The following TRAF3 variants were observed in gnomAD, a reference collection of about 807,000 sequenced individuals.
TRAF3 encodes the protein TNF receptor associated factor 3, also known as TNF receptor-associated factor 3.
In TRAF3, 13 loss-of-function variants were observed where a neutral mutation model predicts 62.3. That is an observed-to-expected ratio of 0.21 (90% CI 0.14 to 0.33). The LOEUF (loss-of-function observed/expected upper bound fraction) is 0.33, where lower values mean the gene tolerates loss of function less well. Ranked by LOEUF, TRAF3 falls within the 10% of genes least tolerant of loss-of-function variation. The pLI, the probability that TRAF3 is intolerant of heterozygous loss-of-function variation, is 1.00. For missense variants in TRAF3, 440 were observed against 741.8 expected (o/e 0.59, Z 4.73); for synonymous variants, 269 against 283.4 (o/e 0.95, Z 0.51).
At chr14:102,785,925 G>A (rs4900557) in intron 1 of TRAF3, among the ~76,000 whole-genome samples, 36,288 of 152,106 alleles carry the variant, frequency 0.24, 5,292 homozygotes, top group Middle Eastern at 0.45. Flanking sequence ...TTGTTGGGTG[G>A]AGGTGGTGGC....
At chr14:102,881,163 C>T (rs879808241) in intron 6 of TRAF3, among the ~76,000 whole-genome samples, 49 of 152,100 alleles carry the variant, frequency 3.2e-4, no homozygotes, top group African/African-American at 1.1e-3. Context: ...GCGGGTGGAT[C>T]ACCTGAGGTC....
chr14:102,849,922 C>T (rs1886938208), intron 2 of TRAF3, among the ~76,000 whole-genome samples: 1 of 152,198 alleles, frequency 6.6e-6, no homozygotes, highest in African/African-American at 2.4e-5. Flanking sequence ...TGTTGAGCTG[C>T]TTTTCTCCAT....
At chr14:102,855,271 G>C (rs1887295626) in intron 2 of TRAF3, among the ~76,000 whole-genome samples, 1 of 152,164 alleles carries the variant, frequency 6.6e-6, no homozygotes, top group Admixed American at 6.5e-5. Context: ...TGGTTGTTGT[G>C]AAGAGTACTG....
intron 6 of TRAF3, among the ~76,000 whole-genome samples, chr14:102,877,552 A>C (rs1274174947): frequency 0.12 from 5,771 of 49,240 alleles, no homozygotes; most frequent in Middle Eastern, 0.2. Flanking sequence ...ATTCCACAGG[A>C]CTTCTGCTCA....
In TRAF3 at chr14:102,905,877, G is replaced by A; in HGVS notation, c.*93G>A. On this transcript the variant is annotated 3_prime_UTR_variant, in exon 12 of 12. Coordinates refer to ENST00000392745, the MANE Select transcript of TRAF3 (RefSeq NM_145725.3). ...ACTGAGGTCCTCGCGCTCAGAAAAG[G>A]ACCTTGTGAGACGGAGGAAGCGGCA... 1 of 1,185,304 alleles carries A rather than the reference G, an allele frequency of 8.4e-7. No homozygotes were observed. The allele number at this position is 1,185,304 out of a possible 1,614,324, so 73.4% of individuals were successfully genotyped here.
intron 2 of TRAF3, among the ~76,000 whole-genome samples, chr14:102,851,837 T>C (rs4906268): frequency 0.98 from 149,438 of 152,264 alleles, 73,352 homozygotes; most frequent in Middle Eastern, 1. Context: ...TCGAGACCAG[T>C]CTGGGCCACA....
intron 1 of TRAF3, among the ~76,000 whole-genome samples, chr14:102,817,294 C>G (rs912750916): frequency 6.6e-5 from 10 of 152,044 alleles, no homozygotes; most frequent in Non-Finnish European, 1.3e-4. Flanking sequence ...TCTTTGGGGA[C>G]TTGGACAAGA....
chr14:102,876,579 C>G lies in TRAF3; in HGVS notation c.570+54C>G, dbSNP rs1888665657. ...CCACTCAATTCCTATATGATACATT[C>G]CACAGGCCTTCCGCTCAATTCGTAG... On this transcript the variant is annotated intron_variant, in intron 6 of 11. Coordinates refer to ENST00000392745, the MANE Select transcript of TRAF3 (RefSeq NM_145725.3). The G allele has an allele frequency of 3.1e-6, 5 of 1,597,216 alleles. No individual in the cohort carries two copies. The South Asian group carries it at 5.6e-5, about 18-fold the overall frequency.
chr14:102,795,817 G>C (rs1375042309), intron 1 of TRAF3, among the ~76,000 whole-genome samples: 1 of 152,168 alleles, frequency 6.6e-6, no homozygotes, highest in Non-Finnish European at 1.5e-5. Flanking sequence ...GAGAGGCCAA[G>C]ATAAGTCCGA....
At chr14:102,839,919 A>T (rs1194217841) in intron 2 of TRAF3, among the ~76,000 whole-genome samples, 1 of 152,184 alleles carries the variant, frequency 6.6e-6, no homozygotes, top group Non-Finnish European at 1.5e-5. Context: ...CTCTTTTTCA[A>T]AGACATCTCT....
chr14:102,866,134 T>C (rs1179863770), intron 2 of TRAF3, among the ~76,000 whole-genome samples: 1 of 152,162 alleles, frequency 6.6e-6, no homozygotes, highest in Non-Finnish European at 1.5e-5. Flanking sequence ...TGCAGGGACA[T>C]GGATGAAGCT....
At chr14:102,784,415 G>T (rs1897396950) in intron 1 of TRAF3, among the ~76,000 whole-genome samples, 1 of 151,998 alleles carries the variant, frequency 6.6e-6, no homozygotes, top group African/African-American at 2.4e-5. Context: ...TAGAAACAGG[G>T]TTTCACCACG....
In TRAF3 at chr14:102,908,341, C is replaced by G. The variant is rs1890691071; in HGVS notation, c.*2557C>G. On this transcript the variant is annotated 3_prime_UTR_variant, in exon 12 of 12. Transcript: ENST00000392745. ...TGGGGGTCCTTGAGGATGGGATGGCCTGTGTCACGCGCTTTGTCTTTGTGT... is the reference window on the plus strand; with the variant it reads ...TGGGGGTCCTTGAGGATGGGATGGCGTGTGTCACGCGCTTTGTCTTTGTGT... 1 of 152,748 alleles carries G rather than the reference C, an allele frequency of 6.5e-6. No individual in the cohort carries two copies. The highest frequency in any genetic ancestry group is 1.5e-5 in the Non-Finnish European group (1 of 68,438). 9.5% of individuals were successfully genotyped at this position (152,748 alleles called of 1,614,324 possible). A position where few individuals can be genotyped will look rare whatever the true frequency, so the allele number is the denominator to read the frequency against.
At chr14:102,886,720 C>T (rs140110334) in intron 7 of TRAF3, among the ~76,000 whole-genome samples, 56 of 152,278 alleles carry the variant, frequency 3.7e-4, no homozygotes, top group African/African-American at 1.3e-3. Context: ...CACACCACTG[C>T]ACTCCAGCCT....
chr14:102,901,570 A>G (rs1046716798), intron 10 of TRAF3, among the ~76,000 whole-genome samples: 3 of 152,198 alleles, frequency 2.0e-5, no homozygotes, highest in Non-Finnish European at 2.9e-5. Flanking sequence ...CTAATTAAAT[A>G]TCCTTCTGAA....
intron 1 of TRAF3, among the ~76,000 whole-genome samples, chr14:102,809,283 G>T (rs1285561488): frequency 6.6e-6 from 1 of 151,944 alleles, no homozygotes; most frequent in African/African-American, 2.4e-5. Context: ...ACTGTGCCTG[G>T]CCGCACCCGG....
chr14:102,899,392 C>T (rs971793357), intron 10 of TRAF3, among the ~76,000 whole-genome samples: 1 of 152,172 alleles, frequency 6.6e-6, no homozygotes, highest in African/African-American at 2.4e-5. Flanking sequence ...GCCGTGTTCC[C>T]CACTGTTTCA....
At chr14:102,781,128 A>G (rs1012926427) in intron 1 of TRAF3, among the ~76,000 whole-genome samples, 7 of 152,210 alleles carry the variant, frequency 4.6e-5, no homozygotes, top group Non-Finnish European at 8.8e-5. Flanking sequence ...GTTGAGGCCC[A>G]GTGTCAGGAA....
intron 2 of TRAF3, among the ~76,000 whole-genome samples, chr14:102,846,256 C>T (rs1361558041): frequency 6.6e-6 from 1 of 152,044 alleles, no homozygotes. Flanking sequence ...TTTATATTTG[C>T]TCCAAAGCAG....
Sources: allele counts gnomAD v4.1 joint callset (sites outside exome capture counted in the v4.1 genomes callset), GRCh38; gene constraint gnomAD v4.1.1; transcripts MANE v1.5; gene names NCBI Gene and HGNC (gene_info 2026-07-23, HGNC 2026-07-21).